GARNL3: variants seen among roughly 807,000 people sequenced by gnomAD.
GARNL3 encodes the protein GTPase-activating Rap/Ran-GAP domain-like protein 3.
Under a neutral mutation model 125.0 loss-of-function variants are expected in GARNL3, and 63 were observed. The ratio of observed to expected loss-of-function variants is 0.50; its 90% confidence interval spans 0.41 to 0.62. GARNL3 has a LOEUF of 0.62. Ranked by LOEUF, GARNL3 falls within the 20% of genes least tolerant of loss-of-function variation. The probability of loss-of-function intolerance (pLI) is 0.00; values close to 1 mark genes in which losing one functional copy is unlikely to be tolerated. For synonymous variants in GARNL3, 439 were observed against 457.5 expected (o/e 0.96, Z 0.52); for missense variants, 994 against 1,244.0 (o/e 0.80, Z 3.02).
At chr9:127,288,237 T>C (rs2064309670) in intron 1 of GARNL3, among the ~76,000 whole-genome samples, 1 of 152,034 alleles carries the variant, frequency 6.6e-6, no homozygotes, top group Non-Finnish European at 1.5e-5. Context: ...TCAGGGAAGG[T>C]ATACAGAAGG....
rs570486930 is a variant in GARNL3, at chr9:127,393,390, C to T, written c.*136C>T. 3.0e-5 allele frequency: 20 copies of T among 669,202 alleles called. No homozygotes were observed. The highest frequency in any genetic ancestry group is 1.1e-4 in the Admixed American group (4 of 35,566). 41.5% of individuals were successfully genotyped at this position (669,202 alleles called of 1,614,324 possible). A position where few individuals can be genotyped will look rare whatever the true frequency, so the allele number is the denominator to read the frequency against. The stretch of plus-strand genomic sequence containing the variant: ...TATTGGACCAAACCTTCTGCACACT[C>T]GGCCAGTTCCCTCTCCAATGTCCGG... On this transcript the variant is annotated 3_prime_UTR_variant, in exon 28 of 28. Transcript: ENST00000373387.
intron 7 of GARNL3, among the ~76,000 whole-genome samples, chr9:127,326,966 C>T (rs181255227): frequency 1.3e-4 from 20 of 152,268 alleles, no homozygotes; most frequent in Admixed American, 6.5e-4. Flanking sequence ...TTTTAAGCCA[C>T]CCAGTCTATG....
intron 2 of GARNL3, among the ~76,000 whole-genome samples, chr9:127,252,333 C>T (rs1009023807): frequency 1.3e-5 from 2 of 152,152 alleles, no homozygotes; most frequent in Admixed American, 1.3e-4. Context: ...TTCTGGCTTG[C>T]CCCTAGCCAT....
upstream of GARNL3, chr9:127,264,759 G>A (rs1036242794): frequency 3.1e-6 from 4 of 1,275,882 alleles, no homozygotes; most frequent in Non-Finnish European, 4.0e-6. Flanking sequence ...TTTTATTGAG[G>A]GCTCCATGAA....
upstream of GARNL3, among the ~76,000 whole-genome samples, chr9:127,260,189 C>T (rs576753904): frequency 6.6e-5 from 10 of 152,284 alleles, no homozygotes; most frequent in South Asian, 2.1e-3. Context: ...CATCTCCTCC[C>T]ATGGATAGAA....
At chr9:127,323,227 A>G (rs997962809) in intron 6 of GARNL3, among the ~76,000 whole-genome samples, 2 of 152,240 alleles carry the variant, frequency 1.3e-5, no homozygotes, top group African/African-American at 4.8e-5. Flanking sequence ...ACTAGAAAGC[A>G]GCAAAAAAGA....
chr9:127,271,969 A>G (rs979328161), intron 1 of GARNL3, among the ~76,000 whole-genome samples: 1 of 150,320 alleles, frequency 6.7e-6, no homozygotes, highest in Non-Finnish European at 1.5e-5. Context: ...CTCTATACAG[A>G]TAGCATGATT....
At chr9:127,323,858 T>A (rs1412149991) in intron 6 of GARNL3, among the ~76,000 whole-genome samples, 1 of 151,986 alleles carries the variant, frequency 6.6e-6, no homozygotes, top group African/African-American at 2.4e-5. Flanking sequence ...AAGTAAACCA[T>A]GGAAAGAGAG....
intron 7 of GARNL3, among the ~76,000 whole-genome samples, chr9:127,331,799 GT>G (rs1275804000): frequency 7.2e-6 from 1 of 139,016 alleles, no homozygotes; most frequent in Non-Finnish European, 1.5e-5. Flanking sequence ...TGAGCTTTTA[GT>G]ATAAATTGCC....
chr9:127,289,922 C>T (rs914701773), intron 1 of GARNL3, among the ~76,000 whole-genome samples: 2 of 152,110 alleles, frequency 1.3e-5, no homozygotes, highest in African/African-American at 2.4e-5. Context: ...AAAAACTGAA[C>T]CTAATCACGG....
intron 2 of GARNL3, among the ~76,000 whole-genome samples, chr9:127,296,770 C>T (rs1320353268): frequency 6.6e-6 from 1 of 152,024 alleles, no homozygotes; most frequent in Non-Finnish European, 1.5e-5. Flanking sequence ...CACGCCTGGC[C>T]AGGTAGGCAT....
intron 1 of GARNL3, among the ~76,000 whole-genome samples, chr9:127,229,626 G>A (rs1371764389): frequency 6.6e-6 from 1 of 152,160 alleles, no homozygotes; most frequent in East Asian, 1.9e-4. Context: ...CTCCCGAGTA[G>A]CTGAGACTAC....
chr9:127,337,974 G>A, intron 11 of GARNL3, 142 bp from the exon 12 acceptor site: 1 of 686,022 alleles, frequency 1.5e-6, no homozygotes, highest in Non-Finnish European at 2.6e-6. Context: ...AGAAGTATGG[G>A]TTCTGTCCCA....
chr9:127,348,344 T>C (rs529832634), intron 16 of GARNL3, among the ~76,000 whole-genome samples: 5 of 152,364 alleles, frequency 3.3e-5, no homozygotes, highest in Admixed American at 3.3e-4. Flanking sequence ...GGTATAGATA[T>C]GTCATGCGGA....
chr9:127,316,935 TAAAAG>T (rs2065256332), intron 4 of GARNL3, among the ~76,000 whole-genome samples: 1 of 152,182 alleles, frequency 6.6e-6, no homozygotes, highest in Non-Finnish European at 1.5e-5. Context: ...GCCCATTCCC[TAAAAG>T]AAATGTTCTT....
intron 16 of GARNL3, among the ~76,000 whole-genome samples, chr9:127,346,847 G>T (rs1008171544): frequency 6.6e-6 from 1 of 152,166 alleles, no homozygotes; most frequent in Non-Finnish European, 1.5e-5. Context: ...ATCGTTTCAT[G>T]AGCTGTGGTC....
At chr9:127,305,992 A>G (rs2064943973) in intron 2 of GARNL3, among the ~76,000 whole-genome samples, 1 of 152,150 alleles carries the variant, frequency 6.6e-6, no homozygotes, top group Admixed American at 6.5e-5. Context: ...TCCCTCTGCG[A>G]TGCTGAGCAG....
chr9:127,275,724 C>T (rs1315961228), intron 1 of GARNL3, among the ~76,000 whole-genome samples: 2 of 152,234 alleles, frequency 1.3e-5, no homozygotes, highest in Non-Finnish European at 2.9e-5. Flanking sequence ...CATGGTGTCA[C>T]ACTGCCACTG....
At position 127,264,916 on chromosome 9, in the gene GARNL3, G is replaced by A. The variant is rs756173064; in HGVS notation, c.39G>A (p.Ser13=). ...TTTGCAGAAGGTTTGTGGCCAGATC[G>A]CTATGTATAATACTGATGAAGCATT... is the stretch of plus-strand genomic sequence containing the variant. The part of the protein sequence containing the change: ...VDFCRRFVAR[S]LCIILMKHFC... The change falls in exon 1 of 28, where the codon TCG becomes TCA. Residue 13 remains serine (S), a synonymous_variant. Coordinates refer to ENST00000373387, the MANE Select transcript of GARNL3 (RefSeq NM_032293.5). 1.7e-5 allele frequency: 27 copies of A among 1,606,356 alleles called. No individual in the cohort carries two copies. The Admixed American group carries it at 3.9e-4, about 23-fold the overall frequency.
Sources: allele counts gnomAD v4.1 joint callset (sites outside exome capture counted in the v4.1 genomes callset), GRCh38; gene constraint gnomAD v4.1.1; transcripts MANE v1.5; gene names NCBI Gene and HGNC (gene_info 2026-07-23, HGNC 2026-07-21).